THADA: variants seen among roughly 807,000 people sequenced by gnomAD.
THADA encodes the protein tRNA (32-2'-O)-methyltransferase regulator THADA.
Under a neutral mutation model 219.8 loss-of-function variants are expected in THADA, and 213 were observed. The ratio of observed to expected loss-of-function variants is 0.97; its 90% CI spans 0.87 to 1.09. The LOEUF (loss-of-function observed/expected upper bound fraction) is 1.09, where lower values mean the gene tolerates loss of function less well. Ranked by LOEUF, THADA falls within the 50% of genes least tolerant of loss-of-function variation. The pLI is 0.00. For synonymous variants in THADA, 1,018 were observed against 828.9 expected (o/e 1.23, Z -3.92); for missense variants, 2,956 against 2,311.3 (o/e 1.28, Z -5.72).
intron 17 of THADA, among the ~76,000 whole-genome samples, chr2:43,554,170 C>A (rs2103895208): frequency 6.6e-6 from 1 of 152,270 alleles, no homozygotes; most frequent in East Asian, 1.9e-4. Context: ...GAAGTCATAA[C>A]TAACCATTGG....
Position 43,459,910 on chromosome 2 carries a change from G to A in THADA, c.3836+25324C>T, listed in dbSNP as rs192950086. 3.1e-3 allele frequency among the ~76,000 whole-genome samples: 478 copies of A among 152,214 alleles called. 1 individual carries two copies. Among genetic ancestry groups the A allele is most frequent in the African/African-American group, 0.011 (456 of 41,542 alleles). On this transcript the variant is annotated intron_variant, in intron 26 of 37. Transcript: ENST00000405975. ...GTAGAAATTTTATCAGTAGTTTTCA[G>A]ACCAAATGAGTTCAGCACGGAAGTC...
chr2:43,274,124 T>C (rs1672447206), intron 36 of THADA, among the ~76,000 whole-genome samples: 1 of 152,066 alleles, frequency 6.6e-6, no homozygotes, highest in Admixed American at 6.5e-5. Context: ...TCCTTTGGTG[T>C]CTCCCAGATA....
chr2:43,581,808 A>G lies in THADA; in HGVS notation c.654T>C (p.Thr218=), dbSNP rs760191176. 1 of 1,613,088 alleles carries G rather than the reference A, an allele frequency of 6.2e-7. No homozygotes were observed. The highest frequency in any genetic ancestry group is 8.5e-7 in the Non-Finnish European group (1 of 1,179,748). The change falls in exon 8 of 38, where the codon ACT becomes ACC. Residue 218 remains threonine (T), a synonymous_variant. Coordinates refer to ENST00000405975, the MANE Select transcript of THADA (RefSeq NM_022065.5). ...VQDFQGNLWK[T]SDSPIWQNMC... is the part of the protein sequence containing the mutation. ...TATTTTGCCATATGGGAGAATCGGA[A>G]GTCTTCCAAAGATTTCCCTGGAAAT...
At chr2:43,259,546 G>C (rs1275876333) in intron 36 of THADA, among the ~76,000 whole-genome samples, 2 of 152,204 alleles carry the variant, frequency 1.3e-5, no homozygotes, top group Admixed American at 1.3e-4. Flanking sequence ...AAAGATTACA[G>C]AGTTATAGAG....
At chr2:43,331,692 C>T (rs1412427413) in intron 30 of THADA, among the ~76,000 whole-genome samples, 2 of 152,202 alleles carry the variant, frequency 1.3e-5, no homozygotes. Context: ...TCTTGATATG[C>T]TCTTTTCCTA....
intron 28 of THADA, among the ~76,000 whole-genome samples, chr2:43,406,174 G>C (rs1247890461): frequency 6.6e-6 from 1 of 152,226 alleles, no homozygotes; most frequent in Non-Finnish European, 1.5e-5. Context: ...CACAGTCCCA[G>C]GTGCAATGGC....
chr2:43,402,845 C>G (rs1451669289), intron 28 of THADA, among the ~76,000 whole-genome samples: 1 of 152,206 alleles, frequency 6.6e-6, no homozygotes, highest in African/African-American at 2.4e-5. Flanking sequence ...ATGCCCAGCT[C>G]TGCCTAAGTG....
At chr2:43,425,247 G>A (rs1022521469) in intron 28 of THADA, among the ~76,000 whole-genome samples, 6 of 152,120 alleles carry the variant, frequency 3.9e-5, no homozygotes, top group Non-Finnish European at 7.3e-5. Flanking sequence ...CAGAGTCACT[G>A]TAAGTAAAAT....
chr2:43,543,764 C>CATATT (rs1357268368), intron 20 of THADA, among the ~76,000 whole-genome samples: 1 of 152,066 alleles, frequency 6.6e-6, no homozygotes, highest in African/African-American at 2.4e-5. Flanking sequence ...GTAGATTCTG[C>CATATT]ATATTAGCCC....
At chr2:43,468,494 G>A (rs1684531105) in intron 26 of THADA, among the ~76,000 whole-genome samples, 1 of 152,052 alleles carries the variant, frequency 6.6e-6, no homozygotes, top group African/African-American at 2.4e-5. Flanking sequence ...CTCCAATAAA[G>A]GGTCAGTAAA....
chr2:43,407,947 G>A (rs1020023417), intron 28 of THADA, among the ~76,000 whole-genome samples: 5 of 152,148 alleles, frequency 3.3e-5, no homozygotes, highest in Admixed American at 6.5e-5. Flanking sequence ...GATAATGAAT[G>A]AGGAAACCTT....
intron 37 of THADA, 93 bp downstream of exon 37, chr2:43,232,620 A>C: frequency 2.9e-6 from 4 of 1,375,860 alleles, no homozygotes; most frequent in Non-Finnish European, 4.0e-6. Context: ...GTGTCTAAGC[A>C]TGCAAAAGCC....
intron 15 of THADA, chr2:43,565,595 C>A (rs1168583722): frequency 1.3e-5 from 2 of 152,164 alleles, no homozygotes; most frequent in African/African-American, 4.8e-5. Flanking sequence ...TAACTGTCCT[C>A]CTGTCAAAAA....
chr2:43,583,302 A>C (rs945759539), intron 7 of THADA, among the ~76,000 whole-genome samples: 4 of 152,202 alleles, frequency 2.6e-5, no homozygotes, highest in African/African-American at 9.7e-5. Flanking sequence ...TCTATAAGAA[A>C]ATCCTGTTGG....
intron 30 of THADA, among the ~76,000 whole-genome samples, chr2:43,341,437 G>A (rs1185287168): frequency 6.6e-6 from 1 of 152,130 alleles, no homozygotes; most frequent in African/African-American, 2.4e-5. Flanking sequence ...AGGCCAGGAG[G>A]ACTTCCCTTC....
At chr2:43,408,438 A>T (rs1675862242) in intron 28 of THADA, 1 of 152,208 alleles carries the variant, frequency 6.6e-6, no homozygotes, top group South Asian at 2.1e-4. Flanking sequence ...CAACATTACT[A>T]ATGACAAGAA....
chr2:43,404,286 G>A (rs1324370304), intron 28 of THADA, among the ~76,000 whole-genome samples: 1 of 151,998 alleles, frequency 6.6e-6, no homozygotes, highest in Non-Finnish European at 1.5e-5. Flanking sequence ...TTGAATTCCT[G>A]GGCTCCAGTG....
chr2:43,577,235 C>T lies in THADA; in HGVS notation c.824G>A (p.Ser275Asn), dbSNP rs1030459797. Residue 275 changes from serine to asparagine, a missense_variant, in exon 10 of 38, where the codon AGT becomes AAT. Physicochemically the swap from Ser to Asn is conservative, Grantham distance 46 (BLOSUM62 1). Coordinates refer to ENST00000405975, the MANE Select transcript of THADA (RefSeq NM_022065.5). ...GCAGTCCACTGAACGAAGCAGCACACTGCTAATCTGGAAAAATATAGCAGA... is the reference window on the plus strand; with the variant it reads ...GCAGTCCACTGAACGAAGCAGCACATTGCTAATCTGGAAAAATATAGCAGA... ...PSEKIPHLISSVLLRSVDCTS... is the reference protein window; with the variant it reads ...PSEKIPHLISNVLLRSVDCTS... 2.5e-6 allele frequency: 4 copies of T among 1,584,262 alleles called. No individual in the cohort carries two copies. The highest frequency in any genetic ancestry group is 2.6e-6 in the Non-Finnish European group (3 of 1,165,092).
At chr2:43,487,920 C>T (rs570300036) in intron 25 of THADA, among the ~76,000 whole-genome samples, 12 of 152,236 alleles carry the variant, frequency 7.9e-5, no homozygotes, top group Admixed American at 7.9e-4. Context: ...CCCTCATTAG[C>T]GATCAATGAT....
Sources: gnomAD v4.1 joint callset for allele counts (sites outside exome capture counted in the v4.1 genomes callset) on GRCh38, gnomAD v4.1.1 for gene constraint, MANE v1.5 for transcripts, NCBI Gene and HGNC (gene_info 2026-07-23, HGNC 2026-07-21) for gene names.